CATSPERT: variants seen among roughly 807,000 people sequenced by gnomAD.
The protein encoded by CATSPERT is catsper channel auxiliary subunit tau.
the CATSPERT span, among the ~76,000 whole-genome samples, chr2:201,526,551 G>A: frequency 6.6e-6 from 1 of 152,050 alleles, no homozygotes; most frequent in Non-Finnish European, 1.5e-5. Context: ...AAATCCAGCA[G>A]CACATCAGAA....
At chr2:201,492,537 T>A in the CATSPERT span, 2 of 1,535,790 alleles carry the variant, frequency 1.3e-6, no homozygotes, top group Non-Finnish European at 1.7e-6. Flanking sequence ...TTGAGACACT[T>A]TTAGTCCTTA....
At chr2:201,567,202 C>A in the CATSPERT span, among the ~76,000 whole-genome samples, 1 of 152,150 alleles carries the variant, frequency 6.6e-6, no homozygotes, top group Non-Finnish European at 1.5e-5. Flanking sequence ...AAATGTATAC[C>A]CAGTGGTCCC....
the CATSPERT span, among the ~76,000 whole-genome samples, chr2:201,592,466 C>G: frequency 6.7e-6 from 1 of 149,182 alleles, no homozygotes; most frequent in African/African-American, 2.5e-5. Context: ...TCTCTGCCCG[C>G]CTTTGGTATC....
the CATSPERT span, chr2:201,492,789 C>A: frequency 6.5e-7 from 1 of 1,536,408 alleles, no homozygotes; most frequent in Non-Finnish European, 8.7e-7. Flanking sequence ...TCTCATTCAT[C>A]AGATACAGAT....
the CATSPERT span, chr2:201,618,825 T>C: frequency 7.1e-7 from 1 of 1,413,632 alleles, no homozygotes; most frequent in Non-Finnish European, 9.8e-7. Flanking sequence ...TTGAACCCTT[T>C]AATCCTTTCA....
At chr2:201,541,460 C>T in the CATSPERT span, among the ~76,000 whole-genome samples, 1 of 147,838 alleles carries the variant, frequency 6.8e-6, no homozygotes, top group Admixed American at 6.8e-5. Context: ...TTGATCAGTC[C>T]CAGCCATTAA....
At chr2:201,521,120 CA>C in the CATSPERT span, among the ~76,000 whole-genome samples, 10 of 151,932 alleles carry the variant, frequency 6.6e-5, no homozygotes, top group African/African-American at 2.4e-4. Context: ...CATCTCCTAA[CA>C]AAGAAAAGTC....
At chr2:201,488,017 A>G in the CATSPERT span, 1 of 814,910 alleles carries the variant, frequency 1.2e-6, no homozygotes, top group Non-Finnish European at 1.9e-6. Flanking sequence ...ACAAACAAGG[A>G]CTAAAGTTTA....
chr2:201,613,092 C>T, the CATSPERT span, among the ~76,000 whole-genome samples: 56 of 152,344 alleles, frequency 3.7e-4, no homozygotes, highest in Non-Finnish European at 6.8e-4. Context: ...CTCAAGGAGG[C>T]CTGCCTGCCT....
the CATSPERT span, among the ~76,000 whole-genome samples, chr2:201,561,414 A>C: frequency 6.6e-6 from 1 of 152,358 alleles, no homozygotes; most frequent in Admixed American, 6.5e-5. Context: ...GAAGTAGTTA[A>C]CTTCTGGGAA....
chr2:201,500,558 C>T, the CATSPERT span, among the ~76,000 whole-genome samples: 3 of 151,928 alleles, frequency 2.0e-5, no homozygotes, highest in Admixed American at 6.6e-5. Flanking sequence ...ACACAGAGGC[C>T]GACTTAGGTG....
At chr2:201,519,203 C>T in the CATSPERT span, among the ~76,000 whole-genome samples, 20 of 152,174 alleles carry the variant, frequency 1.3e-4, 1 homozygote, top group South Asian at 1.2e-3. Context: ...CCAGCAAAGC[C>T]GCACCACCAC....
the CATSPERT span, among the ~76,000 whole-genome samples, chr2:201,598,871 G>A: frequency 3.9e-5 from 6 of 152,114 alleles, no homozygotes; most frequent in African/African-American, 1.2e-4. Flanking sequence ...ATGAGCTACC[G>A]TGCCCAGCCA....
At chr2:201,534,542 T>A in the CATSPERT span, 9 of 982,332 alleles carry the variant, frequency 9.2e-6, no homozygotes, top group Non-Finnish European at 1.1e-5. Flanking sequence ...AATCCCCAAG[T>A]CTTCAAACAA....
the CATSPERT span, among the ~76,000 whole-genome samples, chr2:201,587,429 T>C: frequency 6.6e-6 from 1 of 152,104 alleles, no homozygotes; most frequent in Non-Finnish European, 1.5e-5. Context: ...CACCATCTTT[T>C]TGAAGTATAT....
chr2:201,560,296 C>T, the CATSPERT span, among the ~76,000 whole-genome samples: 1 of 151,864 alleles, frequency 6.6e-6, no homozygotes, highest in East Asian at 1.9e-4. Context: ...TGGTGGCTCA[C>T]ATCTGTAATT....
At chr2:201,540,859 G>A in the CATSPERT span, among the ~76,000 whole-genome samples, 1 of 152,156 alleles carries the variant, frequency 6.6e-6, no homozygotes, top group Admixed American at 6.5e-5. Context: ...TCTTGGCAAA[G>A]TAAATCGAAA....
At chr2:201,584,054 C>G in the CATSPERT span, among the ~76,000 whole-genome samples, 20 of 152,184 alleles carry the variant, frequency 1.3e-4, no homozygotes, top group African/African-American at 4.8e-4. Context: ...TTTGGGAGGC[C>G]AAGGTGGGTG....
the CATSPERT span, among the ~76,000 whole-genome samples, chr2:201,529,299 C>T: frequency 5.9e-5 from 9 of 152,086 alleles, no homozygotes; most frequent in South Asian, 1.5e-3. Flanking sequence ...AAAGCAATCT[C>T]GAGCAAAAAG....
Sources: allele counts gnomAD v4.1 joint callset (sites outside exome capture counted in the v4.1 genomes callset), GRCh38; gene constraint gnomAD v4.1.1; transcripts MANE v1.5; gene names NCBI Gene and HGNC (gene_info 2026-07-23, HGNC 2026-07-21).